Variants in PRKAR1B observed in about 807,000 individuals in gnomAD.
PRKAR1B encodes cAMP-dependent protein kinase type I-beta regulatory subunit.
Under a neutral mutation model 46.5 loss-of-function variants are expected in PRKAR1B, and 22 were observed. That is an observed-to-expected ratio of 0.47 (90% CI 0.34 to 0.68). The LOEUF (loss-of-function observed/expected upper bound fraction) is 0.68, where lower values mean the gene tolerates loss of function less well. Ranked by LOEUF, PRKAR1B falls within the 30% of genes least tolerant of loss-of-function variation. The pLI, the probability that PRKAR1B is intolerant of heterozygous loss-of-function variation, is 0.01. For missense variants in PRKAR1B, 445 were observed against 535.6 expected (o/e 0.83, Z 1.67); for synonymous variants, 259 against 217.7 (o/e 1.19, Z -1.67).
intron 1 of PRKAR1B, among the ~76,000 whole-genome samples, chr7:715,879 C>A (rs1338050427): frequency 2.6e-5 from 4 of 151,700 alleles, no homozygotes; most frequent in African/African-American, 9.7e-5. Context: ...CCGCGCCCGG[C>A]TAATTTTTTG....
chr7:551,195 C>T (rs1205566785), intron 10 of PRKAR1B, among the ~76,000 whole-genome samples, 194 bp downstream of exon 10: 1 of 152,132 alleles, frequency 6.6e-6, no homozygotes, highest in Non-Finnish European at 1.5e-5. Context: ...TCCTGGGGAC[C>T]CAGACCTGGC....
At chr7:692,114 G>C (rs946355660) in intron 2 of PRKAR1B, among the ~76,000 whole-genome samples, 2 of 152,322 alleles carry the variant, frequency 1.3e-5, no homozygotes, top group East Asian at 1.9e-4. Flanking sequence ...AGAAATGGCA[G>C]GTGGGCCAGG....
chr7:662,050 T>A (rs1346722550), intron 4 of PRKAR1B, among the ~76,000 whole-genome samples: 7 of 25,396 alleles, frequency 2.8e-4, no homozygotes, highest in East Asian at 1.5e-3. Context: ...CTCCCCCCCA[T>A]GGCACAGGTC....
chr7:591,565 G>A (rs373960191), intron 7 of PRKAR1B, among the ~76,000 whole-genome samples: 6 of 152,312 alleles, frequency 3.9e-5, no homozygotes, highest in African/African-American at 1.4e-4. Flanking sequence ...CGTTGATAAC[G>A]GCTGCCAGGT....
At position 606,173 on chromosome 7, in the gene PRKAR1B, G is replaced by C. The variant is rs748488595; in HGVS notation, c.549+20C>G. 6.2e-7 allele frequency: 1 copy of C among 1,613,194 alleles called. No individual in the cohort carries two copies. Among genetic ancestry groups the C allele is most frequent in the Admixed American group, 1.7e-5 (1 of 59,936 alleles). Reference sequence around the variant, plus strand: ...ATGCAAAGACGCGCTATTTTCCAAAGACAAGTTAGCGACACTCACATCCAC... The same window carrying C: ...ATGCAAAGACGCGCTATTTTCCAAACACAAGTTAGCGACACTCACATCCAC... On this transcript the variant is annotated intron_variant, in intron 6 of 10. Transcript: ENST00000537384.
chr7:699,761 G>A (rs1204538956), intron 2 of PRKAR1B, among the ~76,000 whole-genome samples: 1 of 152,220 alleles, frequency 6.6e-6, no homozygotes, highest in Non-Finnish European at 1.5e-5. Context: ...GGCTGCAGTG[G>A]AGAGGCAAGC....
At chr7:679,873 G>A (rs565942180) in intron 3 of PRKAR1B, among the ~76,000 whole-genome samples, 3 of 152,154 alleles carry the variant, frequency 2.0e-5, no homozygotes, top group African/African-American at 7.2e-5. Context: ...GAAGAGACCA[G>A]AGATGCTGGG....
At chr7:568,683 G>A (rs988930286) in intron 9 of PRKAR1B, among the ~76,000 whole-genome samples, 2 of 152,230 alleles carry the variant, frequency 1.3e-5, no homozygotes, top group African/African-American at 4.8e-5. Context: ...GTGGGGTGCT[G>A]CAAATCGATT....
chr7:704,185 AGAAAT>A (rs1170546674), intron 2 of PRKAR1B, among the ~76,000 whole-genome samples: 2 of 152,174 alleles, frequency 1.3e-5, no homozygotes, highest in Non-Finnish European at 1.5e-5. Flanking sequence ...AGACTGAAGA[AGAAAT>A]GAAATAATAA....
At chr7:684,626 G>A (rs550966133) in intron 2 of PRKAR1B, among the ~76,000 whole-genome samples, 1 of 152,308 alleles carries the variant, frequency 6.6e-6, no homozygotes, top group Non-Finnish European at 1.5e-5. Context: ...GACAGAGGTG[G>A]TGAAAGTCAT....
At chr7:652,170 C>T (rs566149151) in intron 4 of PRKAR1B, among the ~76,000 whole-genome samples, 1 of 141,798 alleles carries the variant, frequency 7.1e-6, no homozygotes, top group South Asian at 2.3e-4. Context: ...TGGGAAAACC[C>T]CTCTCGGAAC....
intron 4 of PRKAR1B, among the ~76,000 whole-genome samples, chr7:626,008 CAAA>C (rs71016892): frequency 2.5e-3 from 272 of 110,526 alleles, no homozygotes; most frequent in East Asian, 4.5e-3. Context: ...AACTCCATCT[CAAA>C]AAAAAAAAAA....
intron 8 of PRKAR1B, among the ~76,000 whole-genome samples, chr7:583,074 G>C (rs145228145): frequency 6.6e-6 from 1 of 152,010 alleles, no homozygotes. Context: ...GGCAGGGGGG[G>C]TGACGGCTCA....
chr7:586,370 T>C (rs538637656), intron 7 of PRKAR1B, among the ~76,000 whole-genome samples: 6 of 152,272 alleles, frequency 3.9e-5, no homozygotes, highest in Non-Finnish European at 8.8e-5. Flanking sequence ...CGGATCCAAC[T>C]AGAGAATGCT....
intron 1 of PRKAR1B, among the ~76,000 whole-genome samples, chr7:715,691 T>C (rs1179513986): frequency 1.3e-5 from 2 of 152,088 alleles, no homozygotes; most frequent in Non-Finnish European, 2.9e-5. Flanking sequence ...GACCACGCTT[T>C]GCAGAACTCC....
intron 4 of PRKAR1B, among the ~76,000 whole-genome samples, chr7:614,520 C>T (rs1376759621): frequency 3.3e-5 from 5 of 152,086 alleles, no homozygotes; most frequent in Admixed American, 2.0e-4. Flanking sequence ...TTTGGGAGAC[C>T]GGGCACCATA....
intron 9 of PRKAR1B, among the ~76,000 whole-genome samples, chr7:570,210 C>A (rs1392660855): frequency 1.3e-5 from 2 of 152,238 alleles, no homozygotes; most frequent in Non-Finnish European, 2.9e-5. Flanking sequence ...CAGGCACATA[C>A]TCCTAGGCCT....
chr7:691,270 C>T (rs1403660896), intron 2 of PRKAR1B, among the ~76,000 whole-genome samples: 2 of 152,024 alleles, frequency 1.3e-5, no homozygotes, highest in Non-Finnish European at 2.9e-5. Context: ...CACCCAAACT[C>T]GCCAGTGGAA....
chr7:608,836 CTGT>C, intron 4 of PRKAR1B, among the ~76,000 whole-genome samples: 1 of 22,896 alleles, frequency 4.4e-5, no homozygotes, highest in Admixed American at 3.6e-4. Flanking sequence ...GGGGCCTCCA[CTGT>C]CCTCCCACCT....
Sources: gnomAD v4.1 joint callset for allele counts (sites outside exome capture counted in the v4.1 genomes callset) on GRCh38, gnomAD v4.1.1 for gene constraint, MANE v1.5 for transcripts, NCBI Gene and HGNC (gene_info 2026-07-23, HGNC 2026-07-21) for gene names.